The following SNX29 variants were observed in gnomAD, a reference collection of about 807,000 sequenced individuals.
SNX29 encodes the protein sorting nexin 29.
Under a neutral mutation model 102.1 loss-of-function variants are expected in SNX29, and 78 were observed. That is an observed-to-expected ratio of 0.76 (90% CI 0.64 to 0.92). SNX29 has a LOEUF of 0.92. Among genes scored for constraint, SNX29 ranks in the 40% least tolerant of loss-of-function variants. The pLI is 0.00. For missense variants in SNX29, 1,280 were observed against 1,061.7 expected, an observed-to-expected ratio of 1.21 and a Z score of -2.86; for synonymous variants, 580 against 414.5, an observed-to-expected ratio of 1.40 and a Z score of -4.85.
intron 1 of SNX29, among the ~76,000 whole-genome samples, chr16:11,997,995 T>C (rs1197580728): frequency 6.6e-6 from 1 of 152,230 alleles, no homozygotes; most frequent in Non-Finnish European, 1.5e-5. Context: ...AGGGAGATGA[T>C]GCATGCATAG....
Position 12,319,473 on chromosome 16 carries a change from G to C in SNX29, c.1783-36690G>C, listed in dbSNP as rs2080857511. ...CACCCCAGCCTGGGTGACAGAGCGA[G>C]ACCCTGTCTTAAGAAAAAATTAGGA... On this transcript the variant is annotated intron_variant, in intron 15 of 20. Transcript: ENST00000566228. Among the ~76,000 whole-genome samples the C allele has an allele frequency of 1.3e-5, 2 of 152,164 alleles. 1 individual carries two copies. Among genetic ancestry groups the C allele is most frequent in the South Asian group, 4.1e-4 (2 of 4,828 alleles).
intron 20 of SNX29, chr16:12,545,523 A>G (rs2077554966): frequency 6.6e-6 from 1 of 152,190 alleles, no homozygotes. Context: ...AGAGTGGGTG[A>G]CCAGGGCCTT....
intron 18 of SNX29, among the ~76,000 whole-genome samples, chr16:12,424,757 C>G (rs181990499): frequency 5.4e-4 from 83 of 152,308 alleles, no homozygotes; most frequent in African/African-American, 1.3e-3. Context: ...TCTCCTCCGT[C>G]TCTCCCCTCT....
intron 13 of SNX29, among the ~76,000 whole-genome samples, chr16:12,145,444 AT>A (rs750708793): frequency 5.1e-4 from 77 of 152,138 alleles, no homozygotes; most frequent in Non-Finnish European, 6.0e-4. Context: ...TTCCCTGTTC[AT>A]AAATGTAATG....
At chr16:12,552,605 T>C (rs1412051242) in intron 20 of SNX29, among the ~76,000 whole-genome samples, 2 of 152,000 alleles carry the variant, frequency 1.3e-5, no homozygotes, top group Non-Finnish European at 2.9e-5. Context: ...CTCATGGGGA[T>C]GACTAAAAAA....
intron 14 of SNX29, among the ~76,000 whole-genome samples, chr16:12,211,016 C>T (rs1315852633): frequency 6.6e-6 from 1 of 152,136 alleles, no homozygotes; most frequent in South Asian, 2.1e-4. Context: ...GCCTTTAGTG[C>T]AGAGTGAGGC....
chr16:12,396,649 G>A (rs2083734211), intron 16 of SNX29, among the ~76,000 whole-genome samples: 2 of 152,186 alleles, frequency 1.3e-5, no homozygotes, highest in South Asian at 4.1e-4. Context: ...CTAGAACGGG[G>A]CGTGGCCTTA....
intron 20 of SNX29, among the ~76,000 whole-genome samples, chr16:12,551,883 G>A (rs572009726): frequency 1.3e-5 from 2 of 152,296 alleles, no homozygotes; most frequent in South Asian, 4.1e-4. Context: ...TAGCCTGTCT[G>A]CTCATCTGTA....
intron 15 of SNX29, among the ~76,000 whole-genome samples, chr16:12,318,209 C>G (rs1410981679): frequency 7.2e-5 from 11 of 152,234 alleles, no homozygotes; most frequent in Admixed American, 7.2e-4. Flanking sequence ...AGCTCATGCA[C>G]ACCTGGGAGC....
At chr16:12,475,139 G>T (rs1241814494) in intron 18 of SNX29, among the ~76,000 whole-genome samples, 1 of 152,220 alleles carries the variant, frequency 6.6e-6, no homozygotes, top group South Asian at 2.1e-4. Context: ...ATGAGGAAAT[G>T]AATGGCCAGA....
intron 18 of SNX29, among the ~76,000 whole-genome samples, chr16:12,447,922 A>G (rs1030205813): frequency 2.0e-5 from 3 of 152,096 alleles, no homozygotes; most frequent in Non-Finnish European, 2.9e-5. Flanking sequence ...CTTTTATCCA[A>G]TGGGATAAAA....
chr16:12,187,902 A>T (rs965821543), intron 13 of SNX29, among the ~76,000 whole-genome samples: 11 of 152,148 alleles, frequency 7.2e-5, no homozygotes, highest in African/African-American at 2.7e-4. Context: ...GACCTGATGC[A>T]GCTGAGGGAA....
chr16:12,422,901 A>G (rs553518221), intron 18 of SNX29, among the ~76,000 whole-genome samples: 1 of 152,312 alleles, frequency 6.6e-6, no homozygotes, highest in South Asian at 2.1e-4. Flanking sequence ...GATAGGCTTT[A>G]AAGGTTGGAC....
intron 16 of SNX29, among the ~76,000 whole-genome samples, chr16:12,380,730 T>TCCATCCATCCACCCACCCA (rs2083071426): frequency 1.1e-5 from 1 of 88,520 alleles, no homozygotes; most frequent in Non-Finnish European, 2.2e-5. Flanking sequence ...CCACCCGCCA[T>TCCATCCATCCACCCACCCA]CCATCCATCC....
rs767006669 is a variant in SNX29 at position 12,356,198 on chromosome 16, C to G, written c.1818C>G (p.Asn606Lys). The G allele has an allele frequency of 2.5e-6, 4 of 1,613,316 alleles. No homozygotes were observed. The highest frequency in any genetic ancestry group is 2.7e-5 in the African/African-American group (2 of 75,048). The change falls in exon 16 of 21, where the codon AAC becomes AAG. Residue 606 changes from asparagine (N) to lysine (K), a missense_variant. Coordinates refer to ENST00000566228, the MANE Select transcript of SNX29 (RefSeq NM_032167.5). ...AEMHGELIEF[N>K]ERLHRALVAK... ...TGCATGGCGAGCTGATTGAGTTCAA[C>G]GAGCGCCTGCACAGGGCCCTGGTAG...
At chr16:12,228,156 C>T (rs1208561594) in intron 14 of SNX29, among the ~76,000 whole-genome samples, 1 of 152,216 alleles carries the variant, frequency 6.6e-6, no homozygotes, top group Non-Finnish European at 1.5e-5. Flanking sequence ...AGAGTCTGCA[C>T]TTTAACAAGG....
intron 16 of SNX29, among the ~76,000 whole-genome samples, chr16:12,386,459 A>G (rs2083344494): frequency 6.6e-6 from 1 of 152,152 alleles, no homozygotes; most frequent in African/African-American, 2.4e-5. Flanking sequence ...GGAGGAGGCA[A>G]TTCGCAATGT....
chr16:12,203,390 A>G (rs7188380), intron 14 of SNX29, among the ~76,000 whole-genome samples: 3,612 of 52,914 alleles, frequency 0.068, no homozygotes, highest in Middle Eastern at 0.15. Flanking sequence ...CTGAAGTTGT[A>G]TAGTGTGGCC....
chr16:12,571,231 G>C lies in SNX29; in HGVS notation c.*2602G>C. ...ACTGGCAGGGTTCCCAGTTCCTGGA[G>C]TTATGGAGCAGAAACACCCAGGCCT... On this transcript the variant is annotated 3_prime_UTR_variant, in exon 21 of 21. Coordinates refer to ENST00000566228, the MANE Select transcript of SNX29 (RefSeq NM_032167.5). 1 of 232,352 alleles carries C rather than the reference G, an allele frequency of 4.3e-6. No individual in the cohort carries two copies. Among genetic ancestry groups the C allele is most frequent in the African/African-American group, 2.2e-5 (1 of 45,406 alleles). The allele number at this position is 232,352 out of a possible 1,614,324, so 14.4% of individuals were successfully genotyped here.
Sources: allele counts gnomAD v4.1 joint callset (sites outside exome capture counted in the v4.1 genomes callset), GRCh38; gene constraint gnomAD v4.1.1; transcripts MANE v1.5; gene names NCBI Gene and HGNC (gene_info 2026-07-23, HGNC 2026-07-21).